ALK: variants seen among roughly 807,000 people sequenced by gnomAD.
ALK encodes the protein ALK receptor tyrosine kinase.
In ALK, 74 loss-of-function variants were observed where a neutral mutation model predicts 163.1. That is an observed-to-expected ratio of 0.45 (90% CI 0.38 to 0.55). The LOEUF (loss-of-function observed/expected upper bound fraction) is 0.55. Ranked by LOEUF, ALK falls within the 20% of genes least tolerant of loss-of-function variation. The pLI, the probability that ALK is intolerant of heterozygous loss-of-function variation, is 0.00. For synonymous variants in ALK, 960 were observed against 843.2 expected (o/e 1.14, Z -2.40); for missense variants, 2,063 against 2,105.3 (o/e 0.98, Z 0.39).
rs147952785 is a variant in ALK, at chr2:29,903,843, C to T, written c.667+16150G>A. 9.2e-5 allele frequency among the ~76,000 whole-genome samples: 14 copies of T among 152,202 alleles called. No individual in the cohort carries two copies. The East Asian group carries it at 9.6e-4, about 10-fold the overall frequency. On this transcript the variant is annotated intron_variant, in intron 1 of 28. Coordinates refer to ENST00000389048, the MANE Select transcript of ALK (RefSeq NM_004304.5). ...TTATTACTGCTTTATGAAATTCTAA[C>T]GGACCCTGCAACTGTTTATAGAAAT...
At chr2:29,647,738 T>C (rs1051705775) in intron 3 of ALK, among the ~76,000 whole-genome samples, 14 of 150,672 alleles carry the variant, frequency 9.3e-5, no homozygotes, top group African/African-American at 3.2e-4. Context: ...GTGTTTCATC[T>C]ACCATAGTAA....
At chr2:29,482,427 A>G (rs1224971738) in intron 4 of ALK, among the ~76,000 whole-genome samples, 2 of 152,170 alleles carry the variant, frequency 1.3e-5, no homozygotes, top group Admixed American at 6.6e-5. Context: ...AGGGGGAAAG[A>G]TGCCTATGCC....
chr2:29,626,102 C>G (rs1676187124), intron 3 of ALK, among the ~76,000 whole-genome samples: 1 of 152,188 alleles, frequency 6.6e-6, no homozygotes, highest in Non-Finnish European at 1.5e-5. Flanking sequence ...GTGCTATGGA[C>G]TGAAGGGCTG....
At chr2:29,869,634 A>T (rs1666526706) in intron 1 of ALK, among the ~76,000 whole-genome samples, 1 of 152,198 alleles carries the variant, frequency 6.6e-6, no homozygotes, top group Non-Finnish European at 1.5e-5. Flanking sequence ...TAAAAAATCA[A>T]ATAATGAGGA....
chr2:29,904,462 TAGAA>T (rs1667488418), intron 1 of ALK, among the ~76,000 whole-genome samples: 1 of 152,034 alleles, frequency 6.6e-6, no homozygotes, highest in Non-Finnish European at 1.5e-5. Context: ...AAAAATGAGA[TAGAA>T]AGGAAGCCAC....
intron 2 of ALK, among the ~76,000 whole-genome samples, chr2:29,695,571 C>T (rs1039738165): frequency 1.6e-4 from 25 of 152,138 alleles, no homozygotes; most frequent in African/African-American, 5.1e-4. Context: ...TCAGAGTGAA[C>T]AGGCAACCTA....
At chr2:29,443,210 C>A (rs1247229103) in intron 4 of ALK, among the ~76,000 whole-genome samples, 1 of 152,196 alleles carries the variant, frequency 6.6e-6, no homozygotes, top group Non-Finnish European at 1.5e-5. Flanking sequence ...CTGCCTGAAC[C>A]CTGAAGACCA....
At chr2:29,858,082 T>A (rs1285322320) in intron 1 of ALK, among the ~76,000 whole-genome samples, 2 of 152,056 alleles carry the variant, frequency 1.3e-5, no homozygotes. Context: ...TGTATGCATG[T>A]GGTATGCTTA....
intron 1 of ALK, among the ~76,000 whole-genome samples, chr2:29,831,269 GA>G (rs1665409516): frequency 1.0e-5 from 1 of 95,424 alleles, no homozygotes; most frequent in Non-Finnish European, 2.3e-5. Context: ...GGAAGAAGAA[GA>G]AGAAGAAGAA....
intron 1 of ALK, among the ~76,000 whole-genome samples, chr2:29,850,386 T>C (rs1349583027): frequency 6.6e-6 from 1 of 152,122 alleles, no homozygotes; most frequent in Non-Finnish European, 1.5e-5. Context: ...GGAACATAGG[T>C]GTGTTCATTT....
At chr2:29,365,660 C>T (rs1471617658) in intron 5 of ALK, among the ~76,000 whole-genome samples, 3 of 152,212 alleles carry the variant, frequency 2.0e-5, no homozygotes, top group Non-Finnish European at 4.4e-5. Context: ...GTTCTACAAG[C>T]TCTGAATCTG....
intron 1 of ALK, among the ~76,000 whole-genome samples, chr2:29,887,436 G>A (rs545755518): frequency 7.9e-5 from 12 of 152,264 alleles, no homozygotes; most frequent in South Asian, 2.1e-4. Context: ...AAAGCTGCAC[G>A]ACCTTTTCTG....
In ALK at chr2:29,546,744, T is replaced by G. The variant is rs530058116; in HGVS notation, c.953-14628A>C. 1.1e-4 allele frequency among the ~76,000 whole-genome samples: 17 copies of G among 152,380 alleles called. No homozygotes were observed. In the South Asian group the frequency reaches 3.5e-3, roughly 32 times the overall value. ...AAAATTTTTGCTAAGAGGTAGCGGC[T>G]TTTATTGCTTTCTCTGGGCATTCCA... is the stretch of plus-strand genomic sequence containing the variant. On this transcript the variant is annotated intron_variant, in intron 3 of 28. Transcript: ENST00000389048.
At chr2:29,578,283 G>C (rs55875045) in intron 3 of ALK, among the ~76,000 whole-genome samples, 29,775 of 152,130 alleles carry the variant, frequency 0.2, 3,444 homozygotes, top group Non-Finnish European at 0.26. Context: ...GGCCTCCCCA[G>C]CCATCTGGAG....
At chr2:29,567,071 ATTTT>A (rs1674213009) in intron 3 of ALK, among the ~76,000 whole-genome samples, 1 of 152,086 alleles carries the variant, frequency 6.6e-6, no homozygotes, top group African/African-American at 2.4e-5. Flanking sequence ...TTGATTTTTT[ATTTT>A]TTTATGTTTT....
intron 3 of ALK, among the ~76,000 whole-genome samples, chr2:29,617,905 T>A (rs60569471): frequency 0.026 from 3,949 of 152,234 alleles, 97 homozygotes; most frequent in South Asian, 0.056. Context: ...TAGTTCCTGG[T>A]TGGGAAGGCA....
chr2:29,243,434 T>C (rs1470944774), intron 12 of ALK, among the ~76,000 whole-genome samples: 2 of 152,210 alleles, frequency 1.3e-5, no homozygotes, highest in African/African-American at 4.8e-5. Flanking sequence ...GAGATGATGC[T>C]TATAAGGGAC....
At chr2:29,440,869 T>C (rs893985506) in intron 4 of ALK, among the ~76,000 whole-genome samples, 1 of 152,230 alleles carries the variant, frequency 6.6e-6, no homozygotes, top group Non-Finnish European at 1.5e-5. Context: ...TAAATTATCA[T>C]AGAGAACTCA....
At chr2:29,788,676 C>T (rs1273449065) in intron 1 of ALK, among the ~76,000 whole-genome samples, 1 of 152,102 alleles carries the variant, frequency 6.6e-6, no homozygotes, top group Non-Finnish European at 1.5e-5. Context: ...CATAATAGAA[C>T]AGAAAGGGAC....
Sources: gnomAD v4.1 joint callset for allele counts (sites outside exome capture counted in the v4.1 genomes callset) on GRCh38, gnomAD v4.1.1 for gene constraint, MANE v1.5 for transcripts, NCBI Gene and HGNC (gene_info 2026-07-23, HGNC 2026-07-21) for gene names.